GARNL3: variants seen among roughly 807,000 people sequenced by gnomAD.
GARNL3 encodes the protein GTPase activating Rap/RanGAP domain like 3, also known as GTPase-activating Rap/Ran-GAP domain-like protein 3.
In GARNL3, 63 loss-of-function variants were observed where a neutral mutation model predicts 125.0. The ratio of observed to expected loss-of-function variants is 0.50; its 90% confidence interval spans 0.41 to 0.62. GARNL3 has a LOEUF of 0.62. Among genes scored for constraint, GARNL3 ranks in the 20% least tolerant of loss-of-function variants. The pLI is 0.00. For synonymous variants in GARNL3, 439 were observed against 457.5 expected (o/e 0.96, Z 0.52); for missense variants, 994 against 1,244.0 (o/e 0.80, Z 3.02).
intron 9 of GARNL3, among the ~76,000 whole-genome samples, chr9:127,333,627 C>T (rs1460014412): frequency 1.3e-5 from 2 of 151,784 alleles, no homozygotes; most frequent in East Asian, 1.9e-4. Context: ...AGGGGCGAGT[C>T]GGAATAATTG....
At chr9:127,381,807 G>A (rs1289362455) in intron 22 of GARNL3, among the ~76,000 whole-genome samples, 2 of 149,930 alleles carry the variant, frequency 1.3e-5, no homozygotes, top group East Asian at 2.0e-4. Flanking sequence ...GAGTTTCACC[G>A]TGTTAGCCAG....
intron 22 of GARNL3, among the ~76,000 whole-genome samples, chr9:127,373,856 A>C (rs10987625): frequency 6.6e-6 from 1 of 152,104 alleles, no homozygotes; most frequent in African/African-American, 2.4e-5. Flanking sequence ...ATTACAAAAA[A>C]TTAGCTGGGC....
At chr9:127,379,573 A>G (rs1336019067) in intron 22 of GARNL3, among the ~76,000 whole-genome samples, 2 of 152,198 alleles carry the variant, frequency 1.3e-5, no homozygotes, top group African/African-American at 4.8e-5. Flanking sequence ...CTCACAGGCA[A>G]TTATTTTAAG....
At chr9:127,231,022 A>G (rs1364394633) in intron 1 of GARNL3, among the ~76,000 whole-genome samples, 8 of 83,796 alleles carry the variant, frequency 9.5e-5, no homozygotes, top group Admixed American at 1.6e-4. Context: ...ATATATACAT[A>G]TATGTATATA....
chr9:127,287,443 A>G (rs759124232), intron 1 of GARNL3, among the ~76,000 whole-genome samples: 26 of 152,254 alleles, frequency 1.7e-4, no homozygotes, highest in Non-Finnish European at 2.4e-4. Flanking sequence ...CCTGATAATC[A>G]GCTTCTGTAC....
intron 1 of GARNL3, among the ~76,000 whole-genome samples, chr9:127,265,918 A>G (rs1028891260): frequency 1.3e-5 from 2 of 152,210 alleles, no homozygotes; most frequent in Admixed American, 6.5e-5. Flanking sequence ...AGCATATGTT[A>G]TGGACCTGAC....
At position 127,234,026 on chromosome 9, in the gene GARNL3, T is replaced by A. The variant is rs1353908176; in HGVS notation, c.-28-9053T>A. Among the ~76,000 whole-genome samples the A allele has an allele frequency of 2.6e-5, 4 of 152,348 alleles. No individual in the cohort carries two copies. The East Asian group carries it at 7.7e-4, about 29-fold the overall frequency. ...ACTTTTTTTGTTTGTATCAGGCCCTTAAGTATTTAATCACAAATAAATCTG... is the reference window on the plus strand; with the variant it reads ...ACTTTTTTTGTTTGTATCAGGCCCTAAAGTATTTAATCACAAATAAATCTG... On this transcript the variant is annotated intron_variant, in intron 1 of 10. Coordinates refer to the GARNL3 transcript ENST00000439286.
chr9:127,353,870 T>C lies in GARNL3; in HGVS notation c.1568T>C (p.Phe523Ser), dbSNP rs1356416953. The C allele has an allele frequency of 6.2e-7, 1 of 1,613,606 alleles. No homozygotes were observed. The highest frequency in any genetic ancestry group is 1.1e-5 in the South Asian group (1 of 91,068). Residue 523 changes from phenylalanine (F) to serine (S), a missense_variant, in exon 18 of 28, where the codon TTT (phenylalanine) becomes TCT (serine). By Grantham distance (155) the Phe-to-Ser change is radical. This residue lies in a region of GARNL3 where 728 missense variants were observed against 865.7 expected (regional missense o/e 0.84). Coordinates refer to ENST00000373387, the MANE Select transcript of GARNL3 (RefSeq NM_032293.5). ...VDDDLPSVPV[F>S]DRTLPVKQMH... ...GATGACCTTCCATCAGTGCCCGTGT[T>C]TGACAGAACTCTGCCAGTGAAGCAA...
At chr9:127,331,766 A>G (rs1364720804) in intron 7 of GARNL3, among the ~76,000 whole-genome samples, 1 of 114,742 alleles carries the variant, frequency 8.7e-6, no homozygotes, top group Non-Finnish European at 1.7e-5. Flanking sequence ...TTCAGATTGA[A>G]TATCTTTAGG....
At chr9:127,254,381 A>C (rs1208906861) in intron 2 of GARNL3, among the ~76,000 whole-genome samples, 2 of 152,254 alleles carry the variant, frequency 1.3e-5, no homozygotes, top group Non-Finnish European at 2.9e-5. Context: ...AAACTTATGC[A>C]TGATCAAAGA....
rs1830456776 is a variant in GARNL3 at position 127,352,232 on chromosome 9, C to T, written c.1544-1614C>T. 5.3e-5 allele frequency among the ~76,000 whole-genome samples: 8 copies of T among 152,312 alleles called. No individual in the cohort carries two copies. The South Asian group carries it at 1.7e-3, about 32-fold the overall frequency. The stretch of plus-strand genomic sequence containing the variant: ...GCTCCACATCCTGGAGGTGTGACCT[C>T]AGACAAGTATTAACACCAGGCCTCA... On this transcript the variant is annotated intron_variant, in intron 17 of 27. Transcript: ENST00000373387.
intron 2 of GARNL3, among the ~76,000 whole-genome samples, chr9:127,292,152 C>T (rs1329869637): frequency 2.0e-5 from 3 of 152,228 alleles, no homozygotes; most frequent in Non-Finnish European, 2.9e-5. Flanking sequence ...AAGCCCATGA[C>T]ATTTGGGAAG....
intron 1 of GARNL3, among the ~76,000 whole-genome samples, chr9:127,235,487 A>G (rs1352365396): frequency 6.6e-6 from 1 of 152,150 alleles, no homozygotes; most frequent in East Asian, 1.9e-4. Context: ...ATTAGTCTGA[A>G]AGGTAACCTG....
chr9:127,313,713 G>A (rs1286771718), intron 4 of GARNL3, among the ~76,000 whole-genome samples, 154 bp downstream of exon 4: 6 of 151,774 alleles, frequency 4.0e-5, no homozygotes, highest in Admixed American at 3.9e-4. Context: ...TTTGCCCAAA[G>A]CACCTTATTT....
chr9:127,239,404 A>G (rs1227142250), intron 1 of GARNL3, among the ~76,000 whole-genome samples: 1 of 152,192 alleles, frequency 6.6e-6, no homozygotes, highest in Non-Finnish European at 1.5e-5. Context: ...CCAGGCCTTC[A>G]GGACACGCCA....
At chr9:127,259,099 G>T (rs1347285368), upstream of GARNL3, among the ~76,000 whole-genome samples, 1 of 152,194 alleles carries the variant, frequency 6.6e-6, no homozygotes, top group Non-Finnish European at 1.5e-5. Flanking sequence ...TGATGACCTG[G>T]ATCTCTGCGT....
intron 2 of GARNL3, among the ~76,000 whole-genome samples, chr9:127,252,111 G>A (rs12348504): frequency 0.073 from 11,175 of 152,190 alleles, 1,364 homozygotes; most frequent in African/African-American, 0.25. Flanking sequence ...AAGCCCCCCA[G>A]TGTAAGTGCC....
chr9:127,284,217 ATTTC>A (rs1564879440), intron 1 of GARNL3, among the ~76,000 whole-genome samples: 2 of 152,212 alleles, frequency 1.3e-5, no homozygotes, highest in South Asian at 2.1e-4. Context: ...GTCTACTCAG[ATTTC>A]TTTCTTAAAA....
At chr9:127,239,262 C>G (rs1353712837) in intron 1 of GARNL3, among the ~76,000 whole-genome samples, 1 of 152,224 alleles carries the variant, frequency 6.6e-6, no homozygotes, top group African/African-American at 2.4e-5. Context: ...ACTTATCCCT[C>G]TCTTCTTCAG....
Sources: gnomAD v4.1 joint callset for allele counts (sites outside exome capture counted in the v4.1 genomes callset) on GRCh38, gnomAD v4.1.1 for gene constraint, gnomAD v4.1.1 regional missense constraint, MANE v1.5 for transcripts, NCBI Gene and HGNC (gene_info 2026-07-23, HGNC 2026-07-21) for gene names.